Variants in MYBPC1 observed in about 807,000 individuals in gnomAD.
MYBPC1 encodes myosin-binding protein C, slow-type.
A neutral mutation model predicts 147.1 loss-of-function variants in MYBPC1; 52 were observed. The observed-to-expected ratio is 0.35, with a 90% confidence interval of 0.28 to 0.45. The LOEUF (loss-of-function observed/expected upper bound fraction) is 0.45, where lower values mean the gene tolerates loss of function less well. Among genes scored for constraint, MYBPC1 ranks in the 20% least tolerant of loss-of-function variants. The pLI, the probability that MYBPC1 is intolerant of heterozygous loss-of-function variation, is 1.00. For synonymous variants in MYBPC1, 477 were observed against 475.9 expected (o/e 1.00, Z -0.03); for missense variants, 1,228 against 1,440.3 (o/e 0.85, Z 2.39).
chr12:101,694,992 T>C, the MYBPC1 span, among the ~76,000 whole-genome samples: 2 of 152,240 alleles, frequency 1.3e-5, no homozygotes, highest in African/African-American at 4.8e-5. Flanking sequence ...CTAGGATACA[T>C]GTGCAAGAAT....
At chr12:101,625,143 G>A (rs1888299672) in intron 3 of MYBPC1, among the ~76,000 whole-genome samples, 1 of 151,094 alleles carries the variant, frequency 6.6e-6, no homozygotes, top group Admixed American at 6.6e-5. Flanking sequence ...TTTCAAGGAT[G>A]AAGACACAAG....
chr12:101,682,384 T>C (rs1951065360), intron 29 of MYBPC1, among the ~76,000 whole-genome samples: 1 of 152,196 alleles, frequency 6.6e-6, no homozygotes, highest in Non-Finnish European at 1.5e-5. Context: ...GTAATTAAAT[T>C]TGATAAAAAG....
At chr12:101,604,270 T>A (rs537245303) in intron 1 of MYBPC1, among the ~76,000 whole-genome samples, 1 of 152,194 alleles carries the variant, frequency 6.6e-6, no homozygotes, top group African/African-American at 2.4e-5. Context: ...CTTGCATAAT[T>A]AGAAGGACAA....
At chr12:101,641,294 C>T (rs1177152108) in intron 10 of MYBPC1, among the ~76,000 whole-genome samples, 1 of 151,984 alleles carries the variant, frequency 6.6e-6, no homozygotes, top group Non-Finnish European at 1.5e-5. Flanking sequence ...GGTAAGCAGT[C>T]GTTGTAACAT....
intron 10 of MYBPC1, among the ~76,000 whole-genome samples, chr12:101,641,853 G>A (rs1376340194): frequency 6.6e-6 from 1 of 151,340 alleles, no homozygotes; most frequent in African/African-American, 2.4e-5. Context: ...TTTAAGAAAG[G>A]TAAAAAATGG....
intron 3 of MYBPC1, 44 bp from the exon 4 acceptor site, chr12:101,626,828 G>A (rs1180839811): frequency 1.3e-6 from 2 of 1,505,546 alleles, no homozygotes; most frequent in Middle Eastern, 1.7e-4. Context: ...TACTTGGGAT[G>A]AAGTCTTTTC....
intron 1 of MYBPC1, among the ~76,000 whole-genome samples, chr12:101,598,957 C>T (rs1878661443): frequency 6.6e-6 from 1 of 152,150 alleles, no homozygotes; most frequent in African/African-American, 2.4e-5. Flanking sequence ...ACATGAATTT[C>T]ACTTTTTGTT....
chr12:101,617,746 A>C (rs1886467905), intron 3 of MYBPC1, among the ~76,000 whole-genome samples: 1 of 152,234 alleles, frequency 6.6e-6, no homozygotes, highest in Admixed American at 6.5e-5. Flanking sequence ...TAACATTAAG[A>C]AGACATGTTG....
At chr12:101,667,630 T>C in intron 22 of MYBPC1, 102 bp from the exon 23 acceptor site, 2 of 1,324,562 alleles carry the variant, frequency 1.5e-6, no homozygotes, top group South Asian at 2.5e-5. Context: ...TGATGTATTA[T>C]TATGAGTAAA....
intron 2 of MYBPC1, 79 bp from the exon 3 acceptor site, chr12:101,617,123 C>T (rs1886283938): frequency 1.5e-6 from 2 of 1,326,700 alleles, no homozygotes; most frequent in South Asian, 2.4e-5. Flanking sequence ...TTCTTCCCTC[C>T]CCCTCTCCAC....
chr12:101,682,671 AG>A lies in MYBPC1; in HGVS notation c.3492+10del. The A allele has an allele frequency of 1.2e-6, 2 of 1,607,856 alleles. No individual in the cohort carries two copies. The highest frequency in any genetic ancestry group is 1.7e-6 in the Non-Finnish European group (2 of 1,174,458). On this transcript the variant is annotated intron_variant, in intron 30 of 31. Coordinates refer to ENST00000361466, the MANE Select transcript of MYBPC1 (RefSeq NM_002465.4). The stretch of plus-strand genomic sequence containing the variant: ...TGGAGGGGCAGCAACAGGTTTAAAA[AG>A]TTTATATCCCACTGGATATTCTACT...
chr12:101,671,339 T>TCACACACACA (rs71094516), intron 24 of MYBPC1, among the ~76,000 whole-genome samples: 13 of 126,304 alleles, frequency 1.0e-4, no homozygotes, highest in African/African-American at 3.6e-4. Context: ...ACACACACAC[T>TCACACACACA]CACACACACA....
In MYBPC1 at chr12:101,627,787, T is replaced by C. The variant is rs746134666; in HGVS notation, c.161T>C (p.Leu54Pro). Residue 54 changes from leucine to proline, a missense_variant, in exon 5 of 32, where the codon CTG becomes CCG. Transcript: ENST00000361466. ...CTTTCAGGTTTGGGTAGTCGGGCCC[T>C]GGAGAGAAAAGATTCAGGTGAGCGC... ...ALPPGLGSRA[L>P]ERKDSDWTLV... is the part of the protein sequence containing the mutation. 36 of 1,612,456 alleles carry C rather than the reference T, an allele frequency of 2.2e-5. No individual in the cohort carries two copies. In the East Asian group the frequency reaches 7.4e-4, roughly 33 times the overall value.
chr12:101,661,310 C>G (rs1294633800), intron 20 of MYBPC1, 48 bp downstream of exon 20: 1 of 1,203,538 alleles, frequency 8.3e-7, no homozygotes, highest in South Asian at 1.2e-5. Flanking sequence ...CAGTTGTGTC[C>G]TCTTTACGCA....
chr12:101,629,009 T>C (rs1889248736), intron 5 of MYBPC1: 2 of 255,650 alleles, frequency 7.8e-6, no homozygotes, highest in Admixed American at 9.9e-5. Context: ...AAATGACCTA[T>C]CCGTTTAGTC....
At chr12:101,695,801 C>A in the MYBPC1 span, among the ~76,000 whole-genome samples, 5 of 152,062 alleles carry the variant, frequency 3.3e-5, no homozygotes, top group African/African-American at 1.2e-4. Context: ...TTCTGTACTT[C>A]TTTTATGTGA....
chr12:101,646,333 G>A (rs1444292295), intron 12 of MYBPC1, among the ~76,000 whole-genome samples: 1 of 151,312 alleles, frequency 6.6e-6, no homozygotes, highest in Non-Finnish European at 1.5e-5. Flanking sequence ...TGTAAGATAT[G>A]ATACCTAAAG....
chr12:101,597,500 G>A (rs991062367), intron 1 of MYBPC1, among the ~76,000 whole-genome samples: 1 of 152,180 alleles, frequency 6.6e-6, no homozygotes, highest in Admixed American at 6.5e-5. Flanking sequence ...AGCCTACCGT[G>A]GCCTAATTCT....
chr12:101,659,736 T>C lies in MYBPC1; in HGVS notation c.1832T>C (p.Ile611Thr), dbSNP rs746863059. 8 of 1,614,026 alleles carry C rather than the reference T, an allele frequency of 5.0e-6. No homozygotes were observed. The highest frequency in any genetic ancestry group is 6.8e-6 in the Non-Finnish European group (8 of 1,180,008). ...ESYPDSSTLV[I>T]DIAERDDSGV... is the part of the protein sequence containing the mutation. Reference sequence around the variant, plus strand: ...TACCCTGATAGCAGCACTCTGGTCATTGATATAGCTGAAAGAGATGACTCT... The same window carrying C: ...TACCCTGATAGCAGCACTCTGGTCACTGATATAGCTGAAAGAGATGACTCT... Residue 611 changes from isoleucine (I) to threonine (T), a missense_variant, in exon 19 of 32, where the codon ATT becomes ACT. Ile to Thr is a moderately conservative substitution (Grantham distance 89). Around this residue, in one of 2 missense-constraint regions of MYBPC1, gnomAD observed 1,077 missense variants for 1,314.2 expected, o/e 0.82. Transcript: ENST00000361466.
Sources: allele counts gnomAD v4.1 joint callset (sites outside exome capture counted in the v4.1 genomes callset), GRCh38; gene constraint gnomAD v4.1.1; regional missense constraint gnomAD v4.1.1; transcripts MANE v1.5; gene names NCBI Gene and HGNC (gene_info 2026-07-23, HGNC 2026-07-21).